ADAMTSL1: variants seen among roughly 807,000 people sequenced by gnomAD.
The protein encoded by ADAMTSL1 is ADAMTS like 1, also known as ADAMTS-like protein 1.
A neutral mutation model predicts 201.8 loss-of-function variants in ADAMTSL1; 126 were observed. That is an observed-to-expected ratio of 0.62 (90% CI 0.54 to 0.72). ADAMTSL1 has a LOEUF of 0.72. ADAMTSL1 is among the 30% of genes least tolerant of loss of function. ADAMTSL1 has a pLI of 0.00. For missense variants in ADAMTSL1, 2,679 were observed against 2,277.8 expected, an observed-to-expected ratio of 1.18 and a Z score of -3.59; for synonymous variants, 1,121 against 903.4, an observed-to-expected ratio of 1.24 and a Z score of -4.32.
At chr9:18,532,734 T>G (rs1819522398) in intron 2 of ADAMTSL1, among the ~76,000 whole-genome samples, 1 of 151,628 alleles carries the variant, frequency 6.6e-6, no homozygotes, top group African/African-American at 2.4e-5. Flanking sequence ...TTTGGTAATC[T>G]GTCTTTTCCA....
intron 1 of ADAMTSL1, among the ~76,000 whole-genome samples, chr9:17,918,224 G>A (rs1826177606): frequency 6.6e-6 from 1 of 151,472 alleles, no homozygotes; most frequent in Non-Finnish European, 1.5e-5. Context: ...AGTTTTGTAA[G>A]GTGTATGCTG....
intron 17 of ADAMTSL1, among the ~76,000 whole-genome samples, chr9:18,771,199 C>G (rs1290086743): frequency 6.6e-6 from 1 of 152,144 alleles, no homozygotes; most frequent in Non-Finnish European, 1.5e-5. Context: ...AAGTCTCTTC[C>G]AAGTTACTGG....
intron 1 of ADAMTSL1, among the ~76,000 whole-genome samples, chr9:18,030,704 C>A (rs1411727718): frequency 6.6e-6 from 1 of 151,986 alleles, no homozygotes; most frequent in Non-Finnish European, 1.5e-5. Flanking sequence ...AGAGAATTGA[C>A]CTCTCTAGTA....
Position 18,781,298 on chromosome 9 carries a change from C to A in ADAMTSL1, c.3677+3392C>A, listed in dbSNP as rs149382013. Among the ~76,000 whole-genome samples, 914 of 152,264 alleles carry A rather than the reference C, an allele frequency of 6.0e-3. 6 individuals carry two copies. Among genetic ancestry groups the A allele is most frequent in the Non-Finnish European group, 9.4e-3 (641 of 68,014 alleles). ...AGGGAAGATACCTGAGAGGCAGGAA[C>A]AAACAGTTTTTGCTGCCATCACATT... On this transcript the variant is annotated intron_variant, in intron 19 of 28. Transcript: ENST00000380548.
intron 1 of ADAMTSL1, among the ~76,000 whole-genome samples, chr9:17,964,982 G>C (rs1431706482): frequency 6.6e-6 from 1 of 151,956 alleles, no homozygotes; most frequent in African/African-American, 2.4e-5. Context: ...CAAGCTCCTG[G>C]CCTCTAGTGT....
At chr9:18,594,570 G>A (rs2132499888) in intron 4 of ADAMTSL1, among the ~76,000 whole-genome samples, 1 of 152,098 alleles carries the variant, frequency 6.6e-6, no homozygotes, top group East Asian at 1.9e-4. Flanking sequence ...TGCACTGATT[G>A]TTTCTTCTGT....
chr9:18,307,423 A>T (rs890339257), intron 2 of ADAMTSL1, among the ~76,000 whole-genome samples: 2 of 152,196 alleles, frequency 1.3e-5, no homozygotes, highest in Admixed American at 1.3e-4. Context: ...GTCAAGACCC[A>T]TCGGTGTGCC....
intron 2 of ADAMTSL1, among the ~76,000 whole-genome samples, chr9:18,465,615 A>T (rs114251490): frequency 3.3e-5 from 5 of 152,336 alleles, no homozygotes; most frequent in African/African-American, 1.2e-4. Flanking sequence ...ACTGTGTCAC[A>T]TGGTAACACA....
chr9:18,762,111 C>G (rs1448397495), intron 16 of ADAMTSL1, among the ~76,000 whole-genome samples: 1 of 152,230 alleles, frequency 6.6e-6, no homozygotes, highest in Non-Finnish European at 1.5e-5. Context: ...GAAGTGCATG[C>G]TCTTTGCCAG....
At chr9:17,924,762 C>G (rs1281834816) in intron 1 of ADAMTSL1, among the ~76,000 whole-genome samples, 2 of 131,134 alleles carry the variant, frequency 1.5e-5, no homozygotes, top group East Asian at 4.4e-4. Flanking sequence ...TAGAAGAAAA[C>G]CTAGGCATTA....
chr9:18,837,238 TAA>T (rs1825366906), intron 23 of ADAMTSL1, among the ~76,000 whole-genome samples: 1 of 152,210 alleles, frequency 6.6e-6, no homozygotes, highest in Non-Finnish European at 1.5e-5. Context: ...TTCATAATTC[TAA>T]GTTTTAAGTT....
At chr9:18,651,012 C>A (rs1020441642) in intron 7 of ADAMTSL1, 3 of 152,166 alleles carry the variant, frequency 2.0e-5, no homozygotes, top group African/African-American at 4.8e-5. Context: ...AACACTTAAA[C>A]TTTCAGTCAA....
At chr9:17,930,766 G>A (rs1826750938) in intron 1 of ADAMTSL1, among the ~76,000 whole-genome samples, 1 of 152,200 alleles carries the variant, frequency 6.6e-6, no homozygotes, top group Non-Finnish European at 1.5e-5. Context: ...ATATGGTGGA[G>A]TGGGGTTGAG....
At chr9:18,234,678 A>G (rs987275824) in intron 2 of ADAMTSL1, among the ~76,000 whole-genome samples, 1 of 152,182 alleles carries the variant, frequency 6.6e-6, no homozygotes, top group African/African-American at 2.4e-5. Flanking sequence ...AATTGGCAAT[A>G]TGGAAATTCA....
rs774641658 is a variant in ADAMTSL1 at position 18,554,427 on chromosome 9, C to T, written c.238-19603C>T. Among the ~76,000 whole-genome samples the T allele has an allele frequency of 1.2e-4, 18 of 151,806 alleles. No individual in the cohort carries two copies. The East Asian group carries it at 1.4e-3, about 11-fold the overall frequency. On this transcript the variant is annotated intron_variant, in intron 3 of 28. Coordinates refer to ENST00000380548, the MANE Select transcript of ADAMTSL1 (RefSeq NM_001040272.6). ...AGGGAGTTCCTTGTAATCTGGTTTA[C>T]GATGTGTACTTCCTGGAATAATTTA...
intron 1 of ADAMTSL1, among the ~76,000 whole-genome samples, chr9:17,962,974 G>A (rs1817820836): frequency 6.6e-6 from 1 of 152,236 alleles, no homozygotes; most frequent in Non-Finnish European, 1.5e-5. Context: ...GTCAGGGCTT[G>A]GGGCCAGGAG....
At chr9:17,992,759 G>A (rs1819211164) in intron 1 of ADAMTSL1, among the ~76,000 whole-genome samples, 1 of 152,176 alleles carries the variant, frequency 6.6e-6, no homozygotes, top group Non-Finnish European at 1.5e-5. Flanking sequence ...TGAATATTTT[G>A]GAAGTAGGTG....
chr9:18,132,430 C>G (rs767065782), intron 1 of ADAMTSL1, among the ~76,000 whole-genome samples: 3 of 152,260 alleles, frequency 2.0e-5, no homozygotes, highest in Admixed American at 1.3e-4. Flanking sequence ...GAAACTCTAC[C>G]CATTGAACAG....
chr9:18,833,103 C>T (rs78814928), intron 23 of ADAMTSL1, among the ~76,000 whole-genome samples: 5,837 of 152,258 alleles, frequency 0.038, 152 homozygotes, highest in South Asian at 0.097. Flanking sequence ...GGGAATGTTG[C>T]CTGAGCAACA....
Sources: allele counts gnomAD v4.1 joint callset (sites outside exome capture counted in the v4.1 genomes callset), GRCh38; gene constraint gnomAD v4.1.1; transcripts MANE v1.5; gene names NCBI Gene and HGNC (gene_info 2026-07-23, HGNC 2026-07-21).